CNBD1: variants seen among roughly 807,000 people sequenced by gnomAD.
The protein encoded by CNBD1 is cyclic nucleotide-binding domain-containing protein 1.
A neutral mutation model predicts 54.4 loss-of-function variants in CNBD1; 71 were observed. That is an observed-to-expected ratio of 1.30 (90% CI 1.08 to 1.59). CNBD1 has a LOEUF of 1.59. Among genes scored for constraint, CNBD1 ranks in the 40% most tolerant of loss-of-function variants. CNBD1 has a pLI of 0.00. For missense variants in CNBD1, 659 were observed against 518.0 expected (o/e 1.27, Z -2.64); for synonymous variants, 182 against 170.7 (o/e 1.07, Z -0.51).
At chr8:87,386,854 A>T (rs1811200363), downstream of CNBD1, among the ~76,000 whole-genome samples, 1 of 152,220 alleles carries the variant, frequency 6.6e-6, no homozygotes, top group African/African-American at 2.4e-5. Flanking sequence ...GGGCAGCTAG[A>T]GAGAAAGGTG....
chr8:87,342,562 G>A (rs1014591082), intron 8 of CNBD1, among the ~76,000 whole-genome samples: 3 of 152,088 alleles, frequency 2.0e-5, no homozygotes, highest in Non-Finnish European at 2.9e-5. Context: ...TTTCAACATA[G>A]TTTCTTTCTG....
intron 6 of CNBD1, among the ~76,000 whole-genome samples, chr8:87,283,819 C>T (rs1808643148): frequency 6.6e-6 from 1 of 152,086 alleles, no homozygotes; most frequent in African/African-American, 2.4e-5. Context: ...GTACAACAAG[C>T]CTCAGAACTC....
chr8:87,323,400 C>T (rs1392611743), intron 8 of CNBD1, among the ~76,000 whole-genome samples: 95 of 139,630 alleles, frequency 6.8e-4, no homozygotes, highest in East Asian at 2.4e-3. Flanking sequence ...TTGGGCAGTA[C>T]GGCCATTTTC....
At chr8:87,407,909 C>G (rs4131947) in intron 2 of CNBD1, among the ~76,000 whole-genome samples, 25,171 of 151,904 alleles carry the variant, frequency 0.17, 2,894 homozygotes, top group African/African-American at 0.34. Flanking sequence ...GCAAAATCCT[C>G]TCCCTTTTGA....
rs987684099 is a variant in CNBD1, at chr8:87,182,381, A to G, written c.432-23612A>G. ...TATGTGTGCATGTCTTTATGGTAGA[A>G]TTATTTATATTCCTTTGGGTATATA... On this transcript the variant is annotated intron_variant, in intron 4 of 10. Coordinates refer to ENST00000518476, the MANE Select transcript of CNBD1 (RefSeq NM_173538.3). The surrounding 1 kb of genome is among the most constrained non-coding windows in gnomAD (Gnocchi z 4.1). Among the ~76,000 whole-genome samples the G allele has an allele frequency of 6.6e-6, 1 of 152,150 alleles. No individual in the cohort carries two copies. Among genetic ancestry groups the G allele is most frequent in the African/African-American group, 2.4e-5 (1 of 41,430 alleles).
rs534277338 is a variant in CNBD1 at position 87,246,307 on chromosome 8, G to T, written c.771+9195G>T. Among the ~76,000 whole-genome samples, 4 of 152,254 alleles carry T rather than the reference G, an allele frequency of 2.6e-5. No homozygotes were observed. The East Asian group carries it at 7.7e-4, about 29-fold the overall frequency. On this transcript the variant is annotated intron_variant, in intron 6 of 10. Transcript: ENST00000518476. ...TTCTGTCATTAATTAGACTGGGAAT[G>T]AGAAGCTTTTGGGTTTGCAAAACCC...
At chr8:87,120,486 G>A (rs1231706410) in intron 4 of CNBD1, among the ~76,000 whole-genome samples, 2 of 151,694 alleles carry the variant, frequency 1.3e-5, no homozygotes, top group East Asian at 1.9e-4. Flanking sequence ...TCTAGCTAGT[G>A]TTAATGTACA....
chr8:87,149,236 G>GAAAAA (rs1054334792), intron 4 of CNBD1, among the ~76,000 whole-genome samples: 2 of 152,054 alleles, frequency 1.3e-5, no homozygotes, highest in African/African-American at 2.4e-5. Context: ...TTTCATAAAG[G>GAAAAA]AAAAAAAGAA....
chr8:87,110,909 A>G (rs921429659), intron 4 of CNBD1, among the ~76,000 whole-genome samples: 1 of 152,234 alleles, frequency 6.6e-6, no homozygotes, highest in Admixed American at 6.5e-5. Context: ...GATTATGGGA[A>G]TGCATTCTAG....
At chr8:87,165,810 G>T (rs1812950093) in intron 4 of CNBD1, among the ~76,000 whole-genome samples, 1 of 151,526 alleles carries the variant, frequency 6.6e-6, no homozygotes, top group Admixed American at 6.6e-5. Context: ...ATTACCACTT[G>T]GTTTTTATTT....
At chr8:87,365,651 G>A (rs1317843588) in intron 10 of CNBD1, among the ~76,000 whole-genome samples, 1 of 151,794 alleles carries the variant, frequency 6.6e-6, no homozygotes. Context: ...ATTTGTTATT[G>A]GTAACAATAA....
intron 3 of CNBD1, among the ~76,000 whole-genome samples, chr8:86,936,293 AC>A (rs1199264538): frequency 1.3e-5 from 2 of 152,238 alleles, no homozygotes; most frequent in Non-Finnish European, 2.9e-5. Flanking sequence ...TTTCTATGCA[AC>A]CACAGTGATC....
At chr8:87,395,765 C>A (rs544823645) in intron 2 of CNBD1, among the ~76,000 whole-genome samples, 1 of 151,870 alleles carries the variant, frequency 6.6e-6, no homozygotes, top group South Asian at 2.1e-4. Flanking sequence ...AATTGCAGTT[C>A]CCCTAATCCC....
Position 87,139,559 on chromosome 8 carries a change from C to T in CNBD1, c.432-66434C>T, listed in dbSNP as rs543290778. On this transcript the variant is annotated intron_variant, in intron 4 of 10. Transcript: ENST00000518476. ...AATTGGCATGTATGGGCAGAGAGAA[C>T]TTGGGAACAGCCACCTTGACTGCTG... Among the ~76,000 whole-genome samples, 7 of 152,240 alleles carry T rather than the reference C, an allele frequency of 4.6e-5. No homozygotes were observed. The South Asian group carries it at 1.5e-3, about 32-fold the overall frequency.
At chr8:86,900,379 G>A (rs1808914601) in intron 2 of CNBD1, among the ~76,000 whole-genome samples, 1 of 152,026 alleles carries the variant, frequency 6.6e-6, no homozygotes, top group Admixed American at 6.6e-5. Context: ...GATTTTTTCA[G>A]TCTTAATCGC....
At chr8:86,908,970 A>G (rs1282449444) in intron 3 of CNBD1, among the ~76,000 whole-genome samples, 2 of 151,998 alleles carry the variant, frequency 1.3e-5, no homozygotes, top group African/African-American at 2.4e-5. Flanking sequence ...GTTGGCTAGG[A>G]TGGTCTGGAT....
At chr8:87,357,645 A>G (rs1486467883) in intron 10 of CNBD1, among the ~76,000 whole-genome samples, 1 of 152,194 alleles carries the variant, frequency 6.6e-6, no homozygotes, top group Non-Finnish European at 1.5e-5. Context: ...ACAGGCTCAT[A>G]GGTGGAAAGA....
intron 8 of CNBD1, among the ~76,000 whole-genome samples, chr8:87,307,558 C>T (rs1454008687): frequency 6.6e-6 from 1 of 151,806 alleles, no homozygotes; most frequent in Non-Finnish European, 1.5e-5. Context: ...GACAACATGG[C>T]GAAGTGTCAT....
chr8:87,262,930 G>A (rs943497944), intron 6 of CNBD1, among the ~76,000 whole-genome samples: 1 of 152,098 alleles, frequency 6.6e-6, no homozygotes, highest in East Asian at 1.9e-4. Flanking sequence ...GGAATGGGTA[G>A]AAATGCATCT....
Sources: allele counts gnomAD v4.1 joint callset (sites outside exome capture counted in the v4.1 genomes callset), GRCh38; gene constraint gnomAD v4.1.1; non-coding constraint Gnocchi (gnomAD v3.1); transcripts MANE v1.5; gene names NCBI Gene and HGNC (gene_info 2026-07-23, HGNC 2026-07-21).